Variants in GTF2H3 observed in about 807,000 individuals in gnomAD.
The protein encoded by GTF2H3 is TFIIH basal transcription factor complex p34 subunit.
Under a neutral mutation model 51.1 loss-of-function variants are expected in GTF2H3, and 42 were observed. That is an observed-to-expected ratio of 0.82 (90% CI 0.64 to 1.06). The LOEUF is 1.06. Ranked by LOEUF, GTF2H3 falls within the 50% of genes least tolerant of loss-of-function variation. The probability of loss-of-function intolerance (pLI) is 0.00; values close to 1 mark genes in which losing one functional copy is unlikely to be tolerated. For missense variants in GTF2H3, 326 were observed against 366.1 expected, an observed-to-expected ratio of 0.89 and a Z score of 0.89; for synonymous variants, 123 against 123.8, an observed-to-expected ratio of 0.99 and a Z score of 0.04.
In GTF2H3 at chr12:123,639,292, AG is replaced by A; in HGVS notation, c.43del (p.Val15LeufsTer13). 6.4e-7 allele frequency: 1 copy of A among 1,572,660 alleles called. No individual in the cohort carries two copies. The highest frequency in any genetic ancestry group is 8.8e-7 in the Non-Finnish European group (1 of 1,142,402). Reference protein sequence around the residue: ...EDELNLLVIVVDANPIWWGKQ... With the variant: ...EDELNLLVIVXDANPIWWGKQ... Reference sequence around the variant, plus strand: ...ATGAATTGAATCTTCTGGTTATTGTAGTTGATGCCAACCCAATTTGGTGGGG... The same window carrying A: ...ATGAATTGAATCTTCTGGTTATTGTATTGATGCCAACCCAATTTGGTGGGG... On this transcript the variant is annotated frameshift_variant, in exon 2 of 13. Transcript: ENST00000543341. LOFTEE classifies it high-confidence loss of function.
intron 6 of GTF2H3, 25 bp from the exon 7 acceptor site, chr12:123,652,682 T>C: frequency 1.3e-6 from 2 of 1,532,312 alleles, no homozygotes; most frequent in Non-Finnish European, 1.8e-6. Context: ...TAGTTAAATT[T>C]TTTTCTGCTT....
intron 1 of GTF2H3, 46 bp from the exon 2 acceptor site, chr12:123,639,218 T>G: frequency 2.2e-6 from 2 of 910,888 alleles, no homozygotes; most frequent in Non-Finnish European, 3.6e-6. Context: ...TGATTCATTT[T>G]TATGGAGCTA....
rs1955656538 is a variant in GTF2H3 at position 123,661,482 on chromosome 12, A to C, written c.*1247A>C. Reference sequence around the variant, plus strand: ...ATGGTGAAACCCTGTCTCTACTAAAAATAGAAAAATTAGCCATGCGAAGTA... The same window carrying C: ...ATGGTGAAACCCTGTCTCTACTAAACATAGAAAAATTAGCCATGCGAAGTA... On this transcript the variant is annotated 3_prime_UTR_variant, in exon 13 of 13. Transcript: ENST00000543341. 1 of 151,566 alleles carries C rather than the reference A, an allele frequency of 6.6e-6. No homozygotes were observed. Among genetic ancestry groups the C allele is most frequent in the Non-Finnish European group, 1.5e-5 (1 of 68,008 alleles). 9.4% of individuals were successfully genotyped at this position (151,566 alleles called of 1,614,324 possible). A position where few individuals can be genotyped will look rare whatever the true frequency, so the allele number is the denominator to read the frequency against.
At chr12:123,659,072 T>A (rs1053831048) in intron 9 of GTF2H3, among the ~76,000 whole-genome samples, 1 of 152,230 alleles carries the variant, frequency 6.6e-6, no homozygotes, top group Non-Finnish European at 1.5e-5. Context: ...GGTGAGGATA[T>A]AGAGAAATTG....
At chr12:123,638,572 A>T (rs1376764099) in intron 1 of GTF2H3, among the ~76,000 whole-genome samples, 2 of 151,880 alleles carry the variant, frequency 1.3e-5, no homozygotes, top group Non-Finnish European at 2.9e-5. Context: ...GGCCTCCCAA[A>T]GTGCTAGGAC....
chr12:123,645,695 A>C, intron 3 of GTF2H3, 134 bp downstream of exon 3: 2 of 606,514 alleles, frequency 3.3e-6, no homozygotes, highest in South Asian at 2.0e-5. Flanking sequence ...CCACAGCACC[A>C]AGAGCCAGTA....
At chr12:123,653,230 G>T (rs11572975) in intron 7 of GTF2H3, among the ~76,000 whole-genome samples, 1 of 152,208 alleles carries the variant, frequency 6.6e-6, no homozygotes, top group South Asian at 2.1e-4. Context: ...TTCTGAGAGC[G>T]ATAGAAGAAT....
chr12:123,648,005 C>T lies in GTF2H3; in HGVS notation c.243C>T (p.Phe81=), dbSNP rs772375847. The change falls in exon 4 of 13, where the codon TTC becomes TTT. Residue 81 remains phenylalanine, a synonymous_variant. Transcript: ENST00000543341. The part of the protein sequence containing the change: ...YPGKNGRLGD[F]FGDPGNPPEF... ...GAAAGAATGGCAGACTTGGAGACTT[C>T]TTCGGAGACCCTGGCAACCCTCCTG... The T allele has an allele frequency of 1.2e-6, 2 of 1,613,746 alleles. No homozygotes were observed. The highest frequency in any genetic ancestry group is 1.7e-6 in the Non-Finnish European group (2 of 1,179,704).
chr12:123,644,103 C>T (rs11572946), intron 2 of GTF2H3, among the ~76,000 whole-genome samples: 9,784 of 151,964 alleles, frequency 0.064, 1,036 homozygotes, highest in African/African-American at 0.22. Context: ...AGTGCTGGGA[C>T]GTGAGCCACC....
chr12:123,651,646 C>T (rs1222008581), intron 5 of GTF2H3, among the ~76,000 whole-genome samples: 2 of 151,698 alleles, frequency 1.3e-5, no homozygotes, highest in East Asian at 2.0e-4. Flanking sequence ...AGTGAAACCC[C>T]GTCTCTACTA....
In GTF2H3 at chr12:123,648,049, G is replaced by A; in HGVS notation, c.287G>A (p.Ser96Asn). 1.2e-6 allele frequency: 2 copies of A among 1,608,786 alleles called. No individual in the cohort carries two copies. The highest frequency in any genetic ancestry group is 1.7e-6 in the Non-Finnish European group (2 of 1,175,090). The change falls in exon 4 of 13, where the codon AGT becomes AAT. Residue 96 changes from serine to asparagine, a missense_variant. Coordinates refer to ENST00000543341, the MANE Select transcript of GTF2H3 (RefSeq NM_001516.5). ...CCTCCTGAATTTAATCCCTCTGGGA[G>A]TAAAGATGGAAAATACGAACTTTTA... ...GNPPEFNPSG[S>N]KDGKYELLTS... is the part of the protein sequence containing the mutation.
chr12:123,642,899 G>A (rs1955397547), intron 2 of GTF2H3, among the ~76,000 whole-genome samples: 1 of 151,798 alleles, frequency 6.6e-6, no homozygotes, highest in Non-Finnish European at 1.5e-5. Context: ...TTTTGAGATG[G>A]CGTCTTGCTC....
intron 2 of GTF2H3, among the ~76,000 whole-genome samples, chr12:123,643,125 G>A (rs998095903): frequency 2.0e-5 from 3 of 152,140 alleles, no homozygotes; most frequent in African/African-American, 4.8e-5. Flanking sequence ...CAGTCTGCCC[G>A]CCTTGGCCTC....
At chr12:123,640,291 C>G (rs1955350552) in intron 2 of GTF2H3, among the ~76,000 whole-genome samples, 1 of 150,788 alleles carries the variant, frequency 6.6e-6, no homozygotes, top group South Asian at 2.1e-4. Context: ...AGATTTTTTT[C>G]ATGTAAATGG....
chr12:123,642,906 G>C (rs749558823), intron 2 of GTF2H3, among the ~76,000 whole-genome samples: 1 of 152,030 alleles, frequency 6.6e-6, no homozygotes, highest in Non-Finnish European at 1.5e-5. Flanking sequence ...ATGGCGTCTT[G>C]CTCTGTCGCC....
At position 123,655,009 on chromosome 12, in the gene GTF2H3, A is replaced by G; in HGVS notation, c.561+11A>G. The G allele has an allele frequency of 6.2e-7, 1 of 1,600,556 alleles. No individual in the cohort carries two copies. The highest frequency in any genetic ancestry group is 8.6e-7 in the Non-Finnish European group (1 of 1,167,618). On this transcript the variant is annotated intron_variant, in intron 8 of 12. Transcript: ENST00000543341. ...GCAGCACAGAAACAGGTGAACTGAG[A>G]GCCTGCCGTTTAAAGTATTTGTTTC...
intron 1 of GTF2H3, among the ~76,000 whole-genome samples, chr12:123,637,232 G>A (rs767836687): frequency 5.3e-5 from 8 of 152,136 alleles, no homozygotes; most frequent in Non-Finnish European, 7.3e-5. Context: ...CACTGGTAGT[G>A]TGAAAGTTTG....
In GTF2H3 at chr12:123,647,956, G is replaced by T; in HGVS notation, c.201-7G>T. 6.2e-7 allele frequency: 1 copy of T among 1,609,428 alleles called. No individual in the cohort carries two copies. The highest frequency in any genetic ancestry group is 1.7e-5 in the Admixed American group (1 of 58,914). On this transcript the variant is annotated splice_polypyrimidine_tract_variant and splice_region_variant and intron_variant, in intron 3 of 12. Transcript: ENST00000543341. ...GTGTAACCAGGTTTTTTCCCCTGCT[G>T]TTTCAGCCGATTCTTATATCCTGGA...
intron 9 of GTF2H3, among the ~76,000 whole-genome samples, chr12:123,657,441 G>A (rs911201370): frequency 6.6e-6 from 1 of 152,174 alleles, no homozygotes; most frequent in Non-Finnish European, 1.5e-5. Flanking sequence ...CGGCCAGAGG[G>A]GCGCTGCACT....
Sources: gnomAD v4.1 joint callset for allele counts (sites outside exome capture counted in the v4.1 genomes callset) on GRCh38, gnomAD v4.1.1 for gene constraint, MANE v1.5 for transcripts, NCBI Gene and HGNC (gene_info 2026-07-23, HGNC 2026-07-21) for gene names.